Variants in ABCC6 observed in about 807,000 individuals in gnomAD.
ABCC6 encodes ATP binding cassette subfamily C member 6, also known as ATP-binding cassette sub-family C member 6.
Under a neutral mutation model 169.5 loss-of-function variants are expected in ABCC6, and 126 were observed. The observed-to-expected ratio is 0.74, with a 90% CI of 0.64 to 0.86. The LOEUF (loss-of-function observed/expected upper bound fraction) is 0.86. ABCC6 is among the 40% of genes least tolerant of loss of function. ABCC6 has a pLI of 0.00. For synonymous variants in ABCC6, 752 were observed against 814.7 expected (o/e 0.92, Z 1.31); for missense variants, 1,733 against 1,927.2 (o/e 0.90, Z 1.89).
Position 16,208,760 on chromosome 16 carries a change from C to T in ABCC6, c.762G>A (p.Lys254=), listed in dbSNP as rs2048487443. The part of the protein sequence containing the change: ...SSEELVSRLE[K]EWMRNRSAAR... ...CTGCACTGCGGTTCCTCATCCACTC[C>T]TTTTCAAGCCGGGAAACAAGTTCTT... is the stretch of plus-strand genomic sequence containing the variant. Residue 254 remains lysine, a synonymous_variant, in exon 7 of 31, where the codon AAG becomes AAA. Coordinates refer to ENST00000205557, the MANE Select transcript of ABCC6 (RefSeq NM_001171.6). 1.9e-6 allele frequency: 3 copies of T among 1,613,500 alleles called. No individual in the cohort carries two copies. The African/African-American group carries it at 4.0e-5, about 22-fold the overall frequency.
At chr16:16,207,457 G>A (rs1232396825) in intron 7 of ABCC6, among the ~76,000 whole-genome samples, 1 of 152,164 alleles carries the variant, frequency 6.6e-6, no homozygotes, top group Non-Finnish European at 1.5e-5. Context: ...GTTGGGATGG[G>A]AGATGAAAGG....
At chr16:16,180,938 C>T (rs2047446196) in intron 17 of ABCC6, among the ~76,000 whole-genome samples, 1 of 152,118 alleles carries the variant, frequency 6.6e-6, no homozygotes, top group Non-Finnish European at 1.5e-5. Context: ...ATGAAGGGGA[C>T]AGAGACAGGC....
At chr16:16,173,518 T>TTTCA in intron 20 of ABCC6, 114 bp from the exon 21 acceptor site, 2 of 1,247,292 alleles carry the variant, frequency 1.6e-6, no homozygotes, top group Non-Finnish European at 2.3e-6. Flanking sequence ...CTCTGTACTC[T>TTTCA]TTCATTCATT....
At chr16:16,156,011 G>C (rs1481321634) in intron 27 of ABCC6, among the ~76,000 whole-genome samples, 1 of 152,172 alleles carries the variant, frequency 6.6e-6, no homozygotes, top group Non-Finnish European at 1.5e-5. Context: ...CACCTCCCAG[G>C]TTCAAGCAAT....
In ABCC6 at chr16:16,177,505, G is replaced by T; in HGVS notation, c.2537C>A (p.Ala846Asp). 1 of 1,613,990 alleles carries T rather than the reference G, an allele frequency of 6.2e-7. No homozygotes were observed. The highest frequency in any genetic ancestry group is 1.3e-5 in the African/African-American group (1 of 75,054). The change falls in exon 19 of 31, where the codon GCC becomes GAC. Residue 846 changes from alanine (A) to aspartate (D), a missense_variant. Ala to Asp is a moderately radical substitution (Grantham distance 126, BLOSUM62 -2). Coordinates refer to ENST00000205557, the MANE Select transcript of ABCC6 (RefSeq NM_001171.6). ...SYQELLQRKG[A>D]LMCLLDQARQ... Reference sequence around the variant, plus strand: ...GGCTTGATCCAGAAGACACATGAGGGCCCCCTTCCTCTGCAGAAGCTCCTG... The same window carrying T: ...GGCTTGATCCAGAAGACACATGAGGTCCCCCTTCCTCTGCAGAAGCTCCTG...
intron 29 of ABCC6, 114 bp downstream of exon 29, chr16:16,154,514 T>G: frequency 7.6e-7 from 1 of 1,315,168 alleles, no homozygotes; most frequent in Non-Finnish European, 1.1e-6. Flanking sequence ...TGGTTATTAA[T>G]GTAACAGAGT....
intron 2 of ABCC6, chr16:16,221,037 C>T (rs542110212): frequency 0.024 from 4,301 of 182,056 alleles, 64 homozygotes; most frequent in Non-Finnish European, 0.034. Context: ...TACTGTGTAC[C>T]GCTTGGCTCT....
intron 6 of ABCC6, among the ~76,000 whole-genome samples, chr16:16,211,682 T>C (rs1346253034): frequency 6.6e-6 from 1 of 152,182 alleles, no homozygotes; most frequent in East Asian, 1.9e-4. Context: ...AAGTGCCTTG[T>C]GAGCTGGCCC....
rs767908367 is a variant in ABCC6 at position 16,150,240 on chromosome 16, C to T, written c.4405G>A (p.Val1469Ile). 5.0e-6 allele frequency: 8 copies of T among 1,613,888 alleles called. No homozygotes were observed. The highest frequency in any genetic ancestry group is 4.4e-5 in the South Asian group (4 of 91,084). Reference protein sequence around the residue: ...RLRSVMDCARVLVMDKGQVAE... With the variant: ...RLRSVMDCARILVMDKGQVAE... ...ACCTGCCCCTTGTCCATGACCAGAACCCTGTGGGGGAGAGGGAGACAGAGA... is the reference window on the plus strand; with the variant it reads ...ACCTGCCCCTTGTCCATGACCAGAATCCTGTGGGGGAGAGGGAGACAGAGA... The change falls in exon 31 of 31, where the codon GTT (valine) becomes ATT (isoleucine). Residue 1469 changes from valine to isoleucine, a missense_variant and splice_region_variant. By Grantham distance (29) the Val-to-Ile change is conservative. Transcript: ENST00000205557.
intron 13 of ABCC6, among the ~76,000 whole-genome samples, chr16:16,187,897 A>C (rs2047700287): frequency 1.1e-5 from 1 of 88,858 alleles, no homozygotes; most frequent in South Asian, 3.4e-4. Flanking sequence ...ACACTGTCTC[A>C]ATAAATAAAT....
intron 22 of ABCC6, 116 bp from the exon 23 acceptor site, chr16:16,166,049 C>A (rs976141094): frequency 5.7e-5 from 59 of 1,037,174 alleles, no homozygotes; most frequent in Non-Finnish European, 8.2e-5. Context: ...GCTTGGCCAC[C>A]CTGATTATTA....
intron 6 of ABCC6, among the ~76,000 whole-genome samples, chr16:16,210,459 A>G (rs2048568510): frequency 6.6e-6 from 1 of 152,204 alleles, no homozygotes; most frequent in Non-Finnish European, 1.5e-5. Flanking sequence ...TTTCTAATGC[A>G]GAGCCAACTT....
rs115516116 is a variant in ABCC6 at position 16,178,621 on chromosome 16, T to C, written c.2415+177A>G. ...GGAAGAAACACCTGCTGTTGTAAGC[T>C]GCTGGGATCTGGGGGTTGTTTGTTA... On this transcript the variant is annotated intron_variant, in intron 18 of 30. Coordinates refer to ENST00000205557, the MANE Select transcript of ABCC6 (RefSeq NM_001171.6). Among the ~76,000 whole-genome samples the C allele has an allele frequency of 2.5e-3, 382 of 152,246 alleles. 4 individuals carry two copies. The highest frequency in any genetic ancestry group is 8.7e-3 in the African/African-American group (360 of 41,562).
intron 23 of ABCC6, among the ~76,000 whole-genome samples, chr16:16,165,373 A>G (rs1436559316): frequency 6.6e-6 from 1 of 152,166 alleles, no homozygotes; most frequent in East Asian, 1.9e-4. Flanking sequence ...ATGATCACCT[A>G]TTGCACTTCA....
At chr16:16,200,909 G>C (rs538766887) in intron 9 of ABCC6, among the ~76,000 whole-genome samples, 63 of 151,876 alleles carry the variant, frequency 4.1e-4, no homozygotes, top group Middle Eastern at 3.4e-3. Context: ...CCTCCAACCA[G>C]GTATTCACAG....
At chr16:16,171,625 G>C (rs539853522) in intron 21 of ABCC6, among the ~76,000 whole-genome samples, 4 of 152,266 alleles carry the variant, frequency 2.6e-5, no homozygotes, top group African/African-American at 9.6e-5. Flanking sequence ...TCAATGAATG[G>C]ATGAACAGCT....
chr16:16,169,976 T>C, intron 21 of ABCC6, 123 bp from the exon 22 acceptor site: 1 of 993,668 alleles, frequency 1.0e-6, no homozygotes, highest in Non-Finnish European at 1.5e-6. Context: ...CACGCAGACC[T>C]CACTGGTTCT....
At position 16,203,427 on chromosome 16, in the gene ABCC6, A is replaced by C. The variant is rs1298872890; in HGVS notation, c.981T>G (p.Thr327=). 1 of 1,613,824 alleles carries C rather than the reference A, an allele frequency of 6.2e-7. No individual in the cohort carries two copies. The highest frequency in any genetic ancestry group is 2.2e-5 in the East Asian group (1 of 44,892). The change falls in exon 8 of 31, where the codon ACT becomes ACG. Residue 327 remains threonine, a synonymous_variant. Transcript: ENST00000205557. The part of the protein sequence containing the change: ...SLIISDVFRF[T]VPKLLSLFLE... Reference sequence around the variant, plus strand: ...GGACTCACCTGAGCAGCTTGGGGACAGTGAACCTGAAGACATCACTGATGA... The same window carrying C: ...GGACTCACCTGAGCAGCTTGGGGACCGTGAACCTGAAGACATCACTGATGA...
intron 9 of ABCC6, 141 bp from the exon 10 acceptor site, chr16:16,198,323 G>A (rs1005615734): frequency 1.4e-5 from 12 of 836,456 alleles, no homozygotes; most frequent in Admixed American, 1.4e-4. Context: ...ACCTCTCAGG[G>A]CTCTTTGAGG....
Sources: gnomAD v4.1 joint callset for allele counts (sites outside exome capture counted in the v4.1 genomes callset) on GRCh38, gnomAD v4.1.1 for gene constraint, MANE v1.5 for transcripts, NCBI Gene and HGNC (gene_info 2026-07-23, HGNC 2026-07-21) for gene names.